Variants in COG5 observed in about 807,000 individuals in gnomAD.
The protein encoded by COG5 is component of oligomeric golgi complex 5.
In COG5, 86 loss-of-function variants were observed where a neutral mutation model predicts 110.4. The ratio of observed to expected loss-of-function variants is 0.78; its 90% CI spans 0.65 to 0.93. The LOEUF (loss-of-function observed/expected upper bound fraction) is 0.93. COG5 is among the 40% of genes least tolerant of loss of function. The pLI, the probability that COG5 is intolerant of heterozygous loss-of-function variation, is 0.00. For synonymous variants in COG5, 360 were observed against 334.6 expected (o/e 1.08, Z -0.83); for missense variants, 1,077 against 987.0 (o/e 1.09, Z -1.22).
chr7:107,237,160 G>C (rs1801258870), intron 17 of COG5, among the ~76,000 whole-genome samples: 1 of 152,152 alleles, frequency 6.6e-6, no homozygotes, highest in Non-Finnish European at 1.5e-5. Flanking sequence ...CTCTGCTCTT[G>C]TGCTATTTAA....
chr7:107,560,619 G>A (rs1030665164), intron 1 of COG5, among the ~76,000 whole-genome samples: 2 of 152,166 alleles, frequency 1.3e-5, no homozygotes, highest in Non-Finnish European at 2.9e-5. Flanking sequence ...TAACAACATA[G>A]TAAACACAGA....
chr7:107,312,602 T>C (rs1808370622), intron 11 of COG5, among the ~76,000 whole-genome samples: 1 of 152,166 alleles, frequency 6.6e-6, no homozygotes, highest in African/African-American at 2.4e-5. Flanking sequence ...TTCAGGTATT[T>C]GTAAATGCTG....
At chr7:107,457,417 T>C (rs1175501576) in intron 6 of COG5, among the ~76,000 whole-genome samples, 3 of 147,966 alleles carry the variant, frequency 2.0e-5, no homozygotes, top group Non-Finnish European at 4.5e-5. Flanking sequence ...GTCTAAAATA[T>C]GAGTTTTTGT....
At chr7:107,376,659 C>T (rs1417539105) in intron 7 of COG5, among the ~76,000 whole-genome samples, 2 of 151,676 alleles carry the variant, frequency 1.3e-5, no homozygotes, top group Non-Finnish European at 2.9e-5. Flanking sequence ...CATTGCTTTT[C>T]TTATTACTTT....
At chr7:107,240,564 A>C (rs1327978798) in intron 17 of COG5, among the ~76,000 whole-genome samples, 2 of 152,186 alleles carry the variant, frequency 1.3e-5, no homozygotes, top group Non-Finnish European at 2.9e-5. Context: ...TACCACATGT[A>C]AGTTAGACTT....
Position 107,474,690 on chromosome 7 carries a change from T to TTATC in COG5, c.538+52543_538+52546dup. ...AATACTACACTGAACTGGGAATGTA[T>TTATC]TATCACCTGTTAGTACAGATCCCAA... On this transcript the variant is annotated intron_variant, in intron 6 of 21. Coordinates refer to ENST00000297135, the MANE Select transcript of COG5 (RefSeq NM_006348.5). This position sits in a 1 kb window ranked among gnomAD's most constrained non-coding sequence, Gnocchi z 5.7. 6.2e-7 allele frequency: 1 copy of TTATC among 1,610,510 alleles called. No individual in the cohort carries two copies.
chr7:107,525,686 G>GA (rs1350357478), intron 6 of COG5, among the ~76,000 whole-genome samples: 1 of 151,954 alleles, frequency 6.6e-6, no homozygotes, highest in East Asian at 1.9e-4. Context: ...CCAAGTAGTT[G>GA]AGACTGCAGG....
intron 6 of COG5, among the ~76,000 whole-genome samples, chr7:107,449,185 G>C (rs1190095634): frequency 6.6e-6 from 1 of 152,000 alleles, no homozygotes; most frequent in Non-Finnish European, 1.5e-5. Context: ...GAGGGTGGGG[G>C]GCAAGGCGAG....
chr7:107,446,398 C>G (rs1488884581), intron 6 of COG5, among the ~76,000 whole-genome samples: 1 of 152,112 alleles, frequency 6.6e-6, no homozygotes, highest in Non-Finnish European at 1.5e-5. Flanking sequence ...ACGGAACTGA[C>G]AGTTTGTCAT....
chr7:107,298,196 T>C lies in COG5; in HGVS notation c.1259A>G (p.Gln420Arg), dbSNP rs779459766. The change falls in exon 12 of 22, where the codon CAA becomes CGA. Residue 420 changes from glutamine (Q) to arginine (R), a missense_variant. Physicochemically the swap from Gln to Arg is conservative, Grantham distance 43. Coordinates refer to ENST00000297135, the MANE Select transcript of COG5 (RefSeq NM_006348.5). ...SGTTDLYVDL[Q>R]HMEDDAQDIF... ...ATCTTGTGCATCATCTTCCATGTGT[T>C]GTAGGTCAACATAGAGGTCTGTAGT... 6 of 1,613,548 alleles carry C rather than the reference T, an allele frequency of 3.7e-6. No individual in the cohort carries two copies. Among genetic ancestry groups the C allele is most frequent in the Non-Finnish European group, 4.2e-6 (5 of 1,179,744 alleles).
chr7:107,546,461 G>GGA (rs755736315), intron 5 of COG5, among the ~76,000 whole-genome samples: 14,259 of 119,910 alleles, frequency 0.12, 1,141 homozygotes, highest in Non-Finnish European at 0.16. Flanking sequence ...TTTGAGACAA[G>GGA]GTCTCGCTCT....
intron 16 of COG5, among the ~76,000 whole-genome samples, chr7:107,250,111 C>T (rs1272468228): frequency 6.6e-6 from 1 of 151,988 alleles, no homozygotes; most frequent in Non-Finnish European, 1.5e-5. Flanking sequence ...TAGGAAAAAC[C>T]ATGTTGGAGA....
At chr7:107,366,093 T>C (rs767174803) in intron 8 of COG5, among the ~76,000 whole-genome samples, 1 of 151,932 alleles carries the variant, frequency 6.6e-6, no homozygotes, top group African/African-American at 2.4e-5. Context: ...AAAGAAAGAA[T>C]AGAAAGGGAT....
chr7:107,401,876 C>G (rs910844164), intron 7 of COG5, among the ~76,000 whole-genome samples: 1 of 152,142 alleles, frequency 6.6e-6, no homozygotes, highest in Non-Finnish European at 1.5e-5. Context: ...GAACTACTAT[C>G]GCAAACTACA....
chr7:107,337,680 G>A (rs1810823248), intron 10 of COG5, among the ~76,000 whole-genome samples: 1 of 151,932 alleles, frequency 6.6e-6, no homozygotes, highest in South Asian at 2.1e-4. Flanking sequence ...GAAAGTGGGG[G>A]TTGGTAAATG....
At chr7:107,288,521 AGTGGTTCTGATTTGTATT>A (rs1309732598) in intron 12 of COG5, among the ~76,000 whole-genome samples, 4 of 151,994 alleles carry the variant, frequency 2.6e-5, no homozygotes, top group Admixed American at 6.6e-5. Flanking sequence ...GGCGTGACAT[AGTGGTTCTGATTTGTATT>A]GTGGTTCTGA....
chr7:107,269,819 G>A (rs1219608250), intron 14 of COG5, among the ~76,000 whole-genome samples: 1 of 152,140 alleles, frequency 6.6e-6, no homozygotes, highest in Non-Finnish European at 1.5e-5. Context: ...CTCATTCTGA[G>A]TGAAGGCCAA....
chr7:107,392,376 G>A (rs1217991923), intron 7 of COG5, among the ~76,000 whole-genome samples: 3 of 152,120 alleles, frequency 2.0e-5, no homozygotes, highest in Admixed American at 6.5e-5. Flanking sequence ...GTTCAACATA[G>A]TTGCTATCAT....
intron 7 of COG5, among the ~76,000 whole-genome samples, chr7:107,378,835 T>A (rs1344850631): frequency 6.6e-6 from 1 of 152,104 alleles, no homozygotes; most frequent in East Asian, 1.9e-4. Context: ...TGGAACCAAG[T>A]GGGAAAACAC....
Sources: gnomAD v4.1 joint callset for allele counts (sites outside exome capture counted in the v4.1 genomes callset) on GRCh38, gnomAD v4.1.1 for gene constraint, Gnocchi (gnomAD v3.1) non-coding constraint, MANE v1.5 for transcripts, NCBI Gene and HGNC (gene_info 2026-07-23, HGNC 2026-07-21) for gene names.